The following PCDHGA12 variants were observed in gnomAD, a reference collection of about 807,000 sequenced individuals.
PCDHGA12 encodes protocadherin gamma-A12.
PCDHGA12 carries 43 observed loss-of-function variants against 61.1 expected under a neutral mutation model. The ratio of observed to expected loss-of-function variants is 0.70; its 90% CI spans 0.55 to 0.91. The LOEUF is 0.91. PCDHGA12 is among the 40% of genes least tolerant of loss of function. The pLI is 0.00. For missense variants in PCDHGA12, 1,236 were observed against 1,227.7 expected (o/e 1.01, Z -0.10); for synonymous variants, 520 against 542.9 (o/e 0.96, Z 0.59).
intron 1 of PCDHGA12, among the ~76,000 whole-genome samples, chr5:141,437,228 A>C (rs1410620126): frequency 6.6e-6 from 1 of 152,228 alleles, no homozygotes; most frequent in Non-Finnish European, 1.5e-5. Context: ...CCAGTCATAA[A>C]ATTATGTCAA....
chr5:141,491,048 C>G lies in PCDHGA12; in HGVS notation c.2425-3759C>G. On this transcript the variant is annotated intron_variant, in intron 1 of 3. Coordinates refer to ENST00000252085, the MANE Select transcript of PCDHGA12 (RefSeq NM_003735.3). The surrounding 1 kb of genome is among the most constrained non-coding windows in gnomAD (Gnocchi z 6.9). ...GTGGATGCTGATGCAGGCCACAATGCGTGGCTCTCCTACTCACTGTTGCCA... is the reference window on the plus strand; with the variant it reads ...GTGGATGCTGATGCAGGCCACAATGGGTGGCTCTCCTACTCACTGTTGCCA... 1.2e-6 allele frequency: 2 copies of G among 1,614,066 alleles called. No individual in the cohort carries two copies. Among genetic ancestry groups the G allele is most frequent in the Non-Finnish European group, 8.5e-7 (1 of 1,179,952 alleles).
chr5:141,482,591 A>G lies in PCDHGA12; in HGVS notation c.2425-12216A>G, dbSNP rs115650612. Among the ~76,000 whole-genome samples the G allele has an allele frequency of 6.3e-4, 95 of 151,838 alleles. 1 individual carries two copies. The highest frequency in any genetic ancestry group is 2.3e-3 in the African/African-American group (95 of 41,350). On this transcript the variant is annotated intron_variant, in intron 1 of 3. Coordinates refer to ENST00000252085, the MANE Select transcript of PCDHGA12 (RefSeq NM_003735.3). ...ATAGCATAAGATGCAGTGGGACCAA[A>G]CGGGAAAAAACACCTAAATGAGCCT...
intron 1 of PCDHGA12, among the ~76,000 whole-genome samples, chr5:141,462,211 C>T (rs543979258): frequency 2.0e-5 from 3 of 151,998 alleles, no homozygotes; most frequent in South Asian, 2.1e-4. Context: ...CCGCCTGCCT[C>T]GGCCTCCCAA....
At chr5:141,508,244 C>A (rs1278674173) in intron 3 of PCDHGA12, 1 of 152,314 alleles carries the variant, frequency 6.6e-6, no homozygotes, top group Non-Finnish European at 1.5e-5. Context: ...CTAAGTCTGC[C>A]TCTCCTGGGA....
intron 1 of PCDHGA12, among the ~76,000 whole-genome samples, chr5:141,452,674 G>A (rs2098746885): frequency 6.6e-6 from 1 of 151,936 alleles, no homozygotes; most frequent in Non-Finnish European, 1.5e-5. Context: ...TCCAGCCTAG[G>A]CCACAGAATG....
At position 141,430,592 on chromosome 5, in the gene PCDHGA12, C is replaced by A. The variant is rs2097296542; in HGVS notation, c.-168C>A. 1.8e-6 allele frequency: 1 copy of A among 544,568 alleles called. No individual in the cohort carries two copies. Among genetic ancestry groups the A allele is most frequent in the Non-Finnish European group, 2.9e-6 (1 of 340,152 alleles). 33.7% of individuals were successfully genotyped at this position (544,568 alleles called of 1,614,324 possible). On this transcript the variant is annotated 5_prime_UTR_variant, in exon 1 of 4. Transcript: ENST00000252085. ...AAGCGGAGATCCTGCTCGCCTTGCA[C>A]GCGCCTGAAGCACAAAGCAGATAGC...
At chr5:141,450,826 A>C (rs965147554) in intron 1 of PCDHGA12, among the ~76,000 whole-genome samples, 1 of 134,302 alleles carries the variant, frequency 7.4e-6, no homozygotes, top group African/African-American at 2.9e-5. Context: ...TATTATTATT[A>C]TTATTTTTTT....
chr5:141,432,250 A>T lies in PCDHGA12; in HGVS notation c.1491A>T (p.Gln497His). ...ATTCCCTGGCTGAGAACACCATCCA[A>T]GGGGCAAGCCTATCGTCCTACGTGT... is the stretch of plus-strand genomic sequence containing the variant. ...ITYSLAENTI[Q>H]GASLSSYVSI... Residue 497 changes from glutamine (Q) to histidine (H), a missense_variant, in exon 1 of 4, where the codon CAA (glutamine) becomes CAT (histidine). Transcript: ENST00000252085. This position sits in a 1 kb window ranked among gnomAD's most constrained non-coding sequence, Gnocchi z 6.0. 1 of 1,614,234 alleles carries T rather than the reference A, an allele frequency of 6.2e-7. No homozygotes were observed. Among genetic ancestry groups the T allele is most frequent in the Non-Finnish European group, 8.5e-7 (1 of 1,180,054 alleles).
At chr5:141,488,385 G>A (rs917106670) in intron 1 of PCDHGA12, among the ~76,000 whole-genome samples, 11 of 152,164 alleles carry the variant, frequency 7.2e-5, no homozygotes, top group Non-Finnish European at 1.5e-5. Context: ...TCCTGAATTT[G>A]GTGAAACCAT....
Position 141,511,015 on chromosome 5 carries a change from C to T in PCDHGA12, c.2641C>T (p.Pro881Ser), listed in dbSNP as rs1430257603. The T allele has an allele frequency of 1.2e-6, 2 of 1,614,106 alleles. No homozygotes were observed. The highest frequency in any genetic ancestry group is 1.3e-5 in the African/African-American group (1 of 74,936). The stretch of plus-strand genomic sequence containing the variant: ...CATGGGATTGAGCGCCCGCTACGGA[C>T]CCCAGTTCACCCTGCAGCACGTGCC... ...GTMGLSARYG[P>S]QFTLQHVPDY... Residue 881 changes from proline (P) to serine (S), a missense_variant, in exon 4 of 4, where the codon CCC (proline) becomes TCC (serine). Coordinates refer to ENST00000252085, the MANE Select transcript of PCDHGA12 (RefSeq NM_003735.3).
At chr5:141,443,953 T>C (rs1373953428) in intron 1 of PCDHGA12, among the ~76,000 whole-genome samples, 1 of 152,142 alleles carries the variant, frequency 6.6e-6, no homozygotes, top group Non-Finnish European at 1.5e-5. Context: ...CTTATTGGTA[T>C]GTATTCTGTG....
At chr5:141,467,110 T>C (rs2099137137) in intron 1 of PCDHGA12, among the ~76,000 whole-genome samples, 1 of 151,604 alleles carries the variant, frequency 6.6e-6, no homozygotes, top group Non-Finnish European at 1.5e-5. Context: ...TGGAGTACAA[T>C]GGTGCAATCT....
intron 1 of PCDHGA12, among the ~76,000 whole-genome samples, chr5:141,464,748 T>A (rs995568259): frequency 2.0e-5 from 3 of 152,190 alleles, no homozygotes; most frequent in Admixed American, 2.0e-4. Flanking sequence ...TATCTTTTTG[T>A]TTTTTTAGAG....
chr5:141,465,257 T>C (rs968727090), intron 1 of PCDHGA12, among the ~76,000 whole-genome samples: 19 of 152,310 alleles, frequency 1.2e-4, no homozygotes, highest in Admixed American at 1.2e-3. Flanking sequence ...TTGTAAGCAA[T>C]GATACTAGCC....
intron 1 of PCDHGA12, chr5:141,478,160 G>GC (rs764598056): frequency 3.7e-6 from 6 of 1,613,948 alleles, no homozygotes. Flanking sequence ...CTCTGGCTCT[G>GC]CCCCCCGGGA....
intron 2 of PCDHGA12, among the ~76,000 whole-genome samples, chr5:141,499,133 T>C (rs1443866975): frequency 6.6e-6 from 1 of 152,184 alleles, no homozygotes; most frequent in East Asian, 1.9e-4. Context: ...GGTCATCCTT[T>C]GGGTGTCTGA....
intron 1 of PCDHGA12, among the ~76,000 whole-genome samples, chr5:141,461,253 C>A (rs1358900194): frequency 6.6e-6 from 1 of 152,108 alleles, no homozygotes; most frequent in Non-Finnish European, 1.5e-5. Flanking sequence ...ATATTCCCAG[C>A]AGCAATGTGT....
At chr5:141,441,635 G>T in intron 1 of PCDHGA12, 1 of 226,720 alleles carries the variant, frequency 4.4e-6, no homozygotes, top group Non-Finnish European at 8.9e-6. Flanking sequence ...TGGAGCCACA[G>T]GCGCTGTGAT....
intron 2 of PCDHGA12, among the ~76,000 whole-genome samples, chr5:141,496,628 C>T (rs928402582): frequency 2.0e-5 from 3 of 152,212 alleles, no homozygotes; most frequent in Non-Finnish European, 2.9e-5. Flanking sequence ...GATCAAAAGG[C>T]TTGGGCTGCC....
Sources: allele counts gnomAD v4.1 joint callset (sites outside exome capture counted in the v4.1 genomes callset), GRCh38; gene constraint gnomAD v4.1.1; non-coding constraint Gnocchi (gnomAD v3.1); transcripts MANE v1.5; gene names NCBI Gene and HGNC (gene_info 2026-07-23, HGNC 2026-07-21).